The following ADGRL3 variants were observed in gnomAD, a reference collection of about 807,000 sequenced individuals.
ADGRL3 encodes calcium-independent alpha-latrotoxin receptor 3.
A neutral mutation model predicts 153.5 loss-of-function variants in ADGRL3; 62 were observed. The observed-to-expected ratio is 0.40, with a 90% CI of 0.33 to 0.50. The LOEUF (loss-of-function observed/expected upper bound fraction) is 0.50. Among genes scored for constraint, ADGRL3 ranks in the 20% least tolerant of loss-of-function variants. The probability of loss-of-function intolerance (pLI) is 0.47; values close to 1 mark genes in which losing one functional copy is unlikely to be tolerated. For synonymous variants in ADGRL3, 710 were observed against 672.5 expected (o/e 1.06, Z -0.86); for missense variants, 1,641 against 1,859.4 (o/e 0.88, Z 2.16).
intron 21 of ADGRL3, among the ~76,000 whole-genome samples, chr4:62,006,001 CACATAT>C (rs1412819014): frequency 5.3e-4 from 34 of 64,502 alleles, no homozygotes; most frequent in East Asian, 1.5e-3. Flanking sequence ...CACACACACA[CACATAT>C]ATATATATAT....
intron 1 of ADGRL3, among the ~76,000 whole-genome samples, chr4:61,347,374 G>A (rs1578370901): frequency 1.3e-5 from 2 of 151,722 alleles, no homozygotes; most frequent in Middle Eastern, 3.4e-3. Flanking sequence ...AGGCCAGCAG[G>A]TATCATTCGA....
chr4:61,918,888 G>A (rs1364116627), intron 13 of ADGRL3, among the ~76,000 whole-genome samples: 1 of 152,152 alleles, frequency 6.6e-6, no homozygotes, highest in East Asian at 1.9e-4. Context: ...TTGACAAAGT[G>A]CAAATTGAAT....
chr4:61,371,461 A>C (rs1240052927), intron 1 of ADGRL3, among the ~76,000 whole-genome samples: 1 of 151,842 alleles, frequency 6.6e-6, no homozygotes, highest in East Asian at 1.9e-4. Context: ...GCTTGTCTGT[A>C]AAGTATTTTA....
At chr4:61,425,105 G>C (rs955602438) in intron 2 of ADGRL3, among the ~76,000 whole-genome samples, 2 of 152,116 alleles carry the variant, frequency 1.3e-5, no homozygotes, top group Non-Finnish European at 1.5e-5. Context: ...CCCTTGGTGT[G>C]GTGATATATG....
intron 6 of ADGRL3, among the ~76,000 whole-genome samples, chr4:61,712,899 A>G (rs1458617662): frequency 6.6e-6 from 1 of 152,198 alleles, no homozygotes; most frequent in Admixed American, 6.5e-5. Context: ...TTTAAAATTT[A>G]AAATTGTCCC....
intron 1 of ADGRL3, among the ~76,000 whole-genome samples, chr4:61,222,506 A>C (rs1746088874): frequency 6.6e-6 from 1 of 152,146 alleles, no homozygotes; most frequent in Admixed American, 6.5e-5. Context: ...AGTTATACTG[A>C]CTTCCTAGAA....
At chr4:61,304,279 T>G (rs546418005) in intron 1 of ADGRL3, among the ~76,000 whole-genome samples, 8 of 152,238 alleles carry the variant, frequency 5.3e-5, no homozygotes, top group African/African-American at 1.9e-4. Context: ...ATCCAGTAGT[T>G]GTGCAATTCT....
In ADGRL3 at chr4:61,808,781, A is replaced by T. The variant is rs2097577584; in HGVS notation, c.1400-5028A>T. ...TTCAGCAGTAGAGATTATTTCCAAC[A>T]AGAAATCGGGCTTTTTTTTTTTTTT... is the stretch of plus-strand genomic sequence containing the variant. On this transcript the variant is annotated intron_variant, in intron 8 of 26. Transcript: ENST00000683033. Among the ~76,000 whole-genome samples, 6 of 149,074 alleles carry T rather than the reference A, an allele frequency of 4.0e-5. No individual in the cohort carries two copies. In the Admixed American group the frequency reaches 4.0e-4, roughly 10 times the overall value.
chr4:61,410,731 A>T (rs1407378560), intron 2 of ADGRL3, among the ~76,000 whole-genome samples: 1 of 152,162 alleles, frequency 6.6e-6, no homozygotes, highest in Admixed American at 6.5e-5. Context: ...ACCTTTGCTG[A>T]ATGCCCACAG....
chr4:61,554,027 A>G (rs1426940115), intron 4 of ADGRL3, among the ~76,000 whole-genome samples: 1 of 152,110 alleles, frequency 6.6e-6, no homozygotes, highest in Non-Finnish European at 1.5e-5. Flanking sequence ...GAAATCTGAT[A>G]AAAGAACAAA....
rs957995481 is a variant in ADGRL3, at chr4:62,077,408, T to G, written c.*6500T>G. On this transcript the variant is annotated 3_prime_UTR_variant, in exon 27 of 27. Transcript: ENST00000683033. ...TGCTACATTGGCAAGGAAATATGTT[T>G]AAAGCCGAGAACTAAAATAGCTTTT... 1 of 152,000 alleles carries G rather than the reference T, an allele frequency of 6.6e-6. No homozygotes were observed. The highest frequency in any genetic ancestry group is 2.4e-5 in the African/African-American group (1 of 41,442). 9.4% of individuals were successfully genotyped at this position (152,000 alleles called of 1,614,324 possible).
At chr4:61,957,688 T>TC (rs2098972777) in intron 17 of ADGRL3, among the ~76,000 whole-genome samples, 1 of 151,790 alleles carries the variant, frequency 6.6e-6, no homozygotes, top group Admixed American at 6.6e-5. Context: ...TAAATTAATT[T>TC]TTTTTTTTGT....
At chr4:61,720,868 G>T (rs1398640706) in intron 6 of ADGRL3, among the ~76,000 whole-genome samples, 1 of 152,130 alleles carries the variant, frequency 6.6e-6, no homozygotes, top group Non-Finnish European at 1.5e-5. Flanking sequence ...AGGGAGCATA[G>T]CACAGAGGTT....
intron 1 of ADGRL3, among the ~76,000 whole-genome samples, chr4:61,273,088 T>C (rs764728326): frequency 6.6e-6 from 1 of 152,202 alleles, no homozygotes; most frequent in Non-Finnish European, 1.5e-5. Flanking sequence ...ATGAGTTTTA[T>C]GTAAATGCTT....
intron 1 of ADGRL3, among the ~76,000 whole-genome samples, chr4:61,353,507 C>T (rs566731808): frequency 6.6e-6 from 1 of 151,546 alleles, no homozygotes; most frequent in South Asian, 2.1e-4. Context: ...TTAGTCTGTT[C>T]TCTGTTTTAT....
intron 4 of ADGRL3, among the ~76,000 whole-genome samples, chr4:61,519,752 T>C (rs1329096783): frequency 6.6e-6 from 1 of 152,084 alleles, no homozygotes; most frequent in Non-Finnish European, 1.5e-5. Context: ...AACAAGAAAA[T>C]GTCAGTGAAT....
chr4:61,685,883 A>G (rs1443152974), intron 6 of ADGRL3, among the ~76,000 whole-genome samples: 2 of 152,162 alleles, frequency 1.3e-5, no homozygotes, highest in Non-Finnish European at 2.9e-5. Flanking sequence ...ACTTACATCA[A>G]ATAAACCAAA....
chr4:61,254,579 C>A (rs2091780056), intron 1 of ADGRL3, among the ~76,000 whole-genome samples: 1 of 152,078 alleles, frequency 6.6e-6, no homozygotes, highest in Non-Finnish European at 1.5e-5. Context: ...AATCACTTAC[C>A]CTTATAGATC....
chr4:61,207,195 C>T (rs55859852), intron 1 of ADGRL3, among the ~76,000 whole-genome samples: 28,142 of 151,850 alleles, frequency 0.19, 3,015 homozygotes, highest in East Asian at 0.49. Flanking sequence ...GCTATCCCTC[C>T]CCTAGCCTCC....
Sources: gnomAD v4.1 joint callset for allele counts (sites outside exome capture counted in the v4.1 genomes callset) on GRCh38, gnomAD v4.1.1 for gene constraint, MANE v1.5 for transcripts, NCBI Gene and HGNC (gene_info 2026-07-23, HGNC 2026-07-21) for gene names.